PCDHAC2: variants seen among roughly 807,000 people sequenced by gnomAD.
PCDHAC2 encodes the protein protocadherin alpha-C2.
A neutral mutation model predicts 63.3 loss-of-function variants in PCDHAC2; 24 were observed. That is an observed-to-expected ratio of 0.38 (90% CI 0.27 to 0.53). PCDHAC2 has a LOEUF of 0.53. Ranked by LOEUF, PCDHAC2 falls within the 20% of genes least tolerant of loss-of-function variation. The pLI, the probability that PCDHAC2 is intolerant of heterozygous loss-of-function variation, is 0.81. For missense variants in PCDHAC2, 1,181 were observed against 1,275.2 expected (o/e 0.93, Z 1.12); for synonymous variants, 569 against 529.4 (o/e 1.07, Z -1.03).
intron 3 of PCDHAC2, among the ~76,000 whole-genome samples, chr5:141,001,895 G>T (rs1390745542): frequency 3.9e-5 from 6 of 152,208 alleles, no homozygotes; most frequent in Non-Finnish European, 8.8e-5. Context: ...AGAAATCGGG[G>T]CTGTTTGAAA....
At chr5:140,974,879 A>G (rs1259634156) in intron 1 of PCDHAC2, among the ~76,000 whole-genome samples, 1 of 152,212 alleles carries the variant, frequency 6.6e-6, no homozygotes, top group Non-Finnish European at 1.5e-5. Flanking sequence ...CAGTCTATGT[A>G]TCCCTTTTCT....
rs139860906 is a variant in PCDHAC2, at chr5:140,989,355, C to T, written c.2713+6792C>T. On this transcript the variant is annotated intron_variant, in intron 3 of 3. Transcript: ENST00000289269. Reference sequence around the variant, plus strand: ...CTGACTCAGCTCAAAGGTGATAGGTCACCTGTGTGACTGAGAGCTTTGTGG... The same window carrying T: ...CTGACTCAGCTCAAAGGTGATAGGTTACCTGTGTGACTGAGAGCTTTGTGG... Among the ~76,000 whole-genome samples the T allele has an allele frequency of 1.6e-4, 25 of 152,258 alleles. No individual in the cohort carries two copies. In the East Asian group the frequency reaches 4.4e-3, roughly 27 times the overall value.
Position 141,009,659 on chromosome 5 carries a change from G to A in PCDHAC2, c.2746G>A (p.Gly916Ser), listed in dbSNP as rs781996586. 3.0e-5 allele frequency: 48 copies of A among 1,613,808 alleles called. No individual in the cohort carries two copies. Among genetic ancestry groups the A allele is most frequent in the East Asian group, 4.5e-5 (2 of 44,878 alleles). The change falls in exon 4 of 4, where the codon GGT becomes AGT. Residue 916 changes from glycine (G) to serine (S), a missense_variant. Coordinates refer to ENST00000289269, the MANE Select transcript of PCDHAC2 (RefSeq NM_018899.6). ...GGCAGGAGAAGTGTCCCCTCCAGTC[G>A]GTGCGGGTGTCAACAGCAACAGCTG... is the stretch of plus-strand genomic sequence containing the variant. ...PEAGEVSPPV[G>S]AGVNSNSWTF...
chr5:140,966,588 G>A lies in PCDHAC2; in HGVS notation c.-179G>A. On this transcript the variant is annotated 5_prime_UTR_variant, in exon 1 of 4. It introduces an in-frame stop codon into an upstream open reading frame of the 5' UTR. Transcript: ENST00000289269. ...ATATGGGGAGTCAGCGAGGACGGTG[G>A]GGCCAGGAGCCCTTGGGAGGGCCTA... 3.6e-6 allele frequency: 2 copies of A among 558,362 alleles called. No homozygotes were observed. Among genetic ancestry groups the A allele is most frequent in the Non-Finnish European group, 5.7e-6 (2 of 350,438 alleles). The allele number at this position is 558,362 out of a possible 1,614,324, so 34.6% of individuals were successfully genotyped here.
At chr5:140,997,302 G>A (rs1430183310) in intron 3 of PCDHAC2, among the ~76,000 whole-genome samples, 2 of 152,154 alleles carry the variant, frequency 1.3e-5, no homozygotes, top group Non-Finnish European at 2.9e-5. Flanking sequence ...GATACACTGA[G>A]AAATGTGTCT....
intron 3 of PCDHAC2, among the ~76,000 whole-genome samples, chr5:140,993,099 C>T (rs1253807421): frequency 6.6e-6 from 1 of 152,206 alleles, no homozygotes; most frequent in Non-Finnish European, 1.5e-5. Context: ...TATGTTTATT[C>T]AGCGGTCAGT....
At chr5:140,991,505 G>T (rs2097456335) in intron 3 of PCDHAC2, among the ~76,000 whole-genome samples, 1 of 152,180 alleles carries the variant, frequency 6.6e-6, no homozygotes, top group Admixed American at 6.5e-5. Context: ...AGTTTCACTG[G>T]CTAAAATCAA....
rs782595245 is a variant in PCDHAC2 at position 140,969,260 on chromosome 5, C to T, written c.2494C>T (p.Leu832Phe). ...AQAAVTDSRN[L>F]TGQSGQNAGN... ...AGCAGCAGTGACTGACAGCAGGAAT[C>T]TCACAGGCCAAAGTGGTCAGAATGC... is the stretch of plus-strand genomic sequence containing the variant. Residue 832 changes from leucine (L) to phenylalanine (F), a missense_variant, in exon 1 of 4, where the codon CTC becomes TTC. This residue lies in a region of PCDHAC2 where 968 missense variants were observed against 1,073.5 expected (regional missense o/e 0.90). Transcript: ENST00000289269. 6.8e-6 allele frequency: 11 copies of T among 1,614,110 alleles called. No individual in the cohort carries two copies. Among genetic ancestry groups the T allele is most frequent in the Non-Finnish European group, 6.8e-6 (8 of 1,180,062 alleles).
In PCDHAC2 at chr5:140,968,494, C is replaced by G. The variant is rs782064203; in HGVS notation, c.1728C>G (p.Ala576=). The change falls in exon 1 of 4, where the codon GCC becomes GCG. Residue 576 remains alanine (A), a synonymous_variant. Coordinates refer to ENST00000289269, the MANE Select transcript of PCDHAC2 (RefSeq NM_018899.6). ...ATGTGGTGGACATGAATGACCATGC[C>G]CCTCACATTCTGTACCCTACCTCAA... ...NVYVVDMNDH[A]PHILYPTSTN... The G allele has an allele frequency of 1.2e-6, 2 of 1,614,096 alleles. No individual in the cohort carries two copies. The highest frequency in any genetic ancestry group is 2.2e-5 in the South Asian group (2 of 91,082).
At position 140,969,096 on chromosome 5, in the gene PCDHAC2, A is replaced by T; in HGVS notation, c.2330A>T (p.His777Leu). ...CCGCATGGCCTCAAAGTGCAGCCTC[A>T]CTTCATTGAAGTTCGAGGGAATGGC... is the stretch of plus-strand genomic sequence containing the variant. ...RIPHGLKVQP[H>L]FIEVRGNGSL... Residue 777 changes from histidine to leucine, a missense_variant, in exon 1 of 4, where the codon CAC (histidine) becomes CTC (leucine). His to Leu is a moderately conservative substitution (Grantham distance 99). Around this residue, in one of 3 missense-constraint regions of PCDHAC2, gnomAD observed 968 missense variants for 1,073.5 expected, o/e 0.90. Transcript: ENST00000289269. The T allele has an allele frequency of 6.2e-7, 1 of 1,614,162 alleles. No homozygotes were observed. The highest frequency in any genetic ancestry group is 8.5e-7 in the Non-Finnish European group (1 of 1,180,030).
At chr5:140,978,740 A>G (rs2096821027) in intron 1 of PCDHAC2, among the ~76,000 whole-genome samples, 1 of 152,254 alleles carries the variant, frequency 6.6e-6, no homozygotes, top group Non-Finnish European at 1.5e-5. Flanking sequence ...CTTCCAGGGT[A>G]TCTAATCTGT....
At chr5:140,976,578 A>C (rs997881753) in intron 1 of PCDHAC2, among the ~76,000 whole-genome samples, 1 of 152,204 alleles carries the variant, frequency 6.6e-6, no homozygotes, top group Admixed American at 6.5e-5. Context: ...TATAAATAAA[A>C]CACAGACTTT....
intron 3 of PCDHAC2, among the ~76,000 whole-genome samples, chr5:140,989,404 A>G (rs2097341135): frequency 6.6e-6 from 1 of 152,134 alleles, no homozygotes; most frequent in Non-Finnish European, 1.5e-5. Flanking sequence ...GAGGGTGGAG[A>G]GTCTGCACTT....
intron 3 of PCDHAC2, among the ~76,000 whole-genome samples, chr5:140,985,532 G>C (rs1358120172): frequency 6.6e-6 from 1 of 152,072 alleles, no homozygotes; most frequent in African/African-American, 2.4e-5. Flanking sequence ...AAAGCTTCAC[G>C]GTGAAGATGC....
At chr5:140,993,462 T>TCACACACA (rs3836747) in intron 3 of PCDHAC2, among the ~76,000 whole-genome samples, 2,160 of 141,010 alleles carry the variant, frequency 0.015, 29 homozygotes, top group Admixed American at 0.024. Flanking sequence ...TCTTTCTTTC[T>TCACACACA]CACACACACA....
chr5:140,985,128 G>C (rs908196925), intron 3 of PCDHAC2, among the ~76,000 whole-genome samples: 1 of 152,056 alleles, frequency 6.6e-6, no homozygotes, highest in African/African-American at 2.4e-5. Context: ...TAGTAAAGAC[G>C]GGGTTTCACC....
chr5:141,009,501 C>T (rs2098410009), intron 3 of PCDHAC2, 126 bp from the exon 4 acceptor site: 4 of 1,492,480 alleles, frequency 2.7e-6, no homozygotes, highest in Non-Finnish European at 3.6e-6. Context: ...CAGACTTGAA[C>T]AAACAACTCG....
At chr5:140,996,308 A>G (rs997099218) in intron 3 of PCDHAC2, among the ~76,000 whole-genome samples, 4 of 152,240 alleles carry the variant, frequency 2.6e-5, no homozygotes, top group African/African-American at 9.6e-5. Flanking sequence ...GTAACAAAGT[A>G]AGGGGGGAGG....
chr5:141,008,579 T>C (rs1554261820), intron 3 of PCDHAC2, among the ~76,000 whole-genome samples: 1 of 152,232 alleles, frequency 6.6e-6, no homozygotes, highest in African/African-American at 2.4e-5. Flanking sequence ...TTCCCAAGAC[T>C]CAGGGCAGAT....
Sources: gnomAD v4.1 joint callset for allele counts (sites outside exome capture counted in the v4.1 genomes callset) on GRCh38, gnomAD v4.1.1 for gene constraint, gnomAD v4.1.1 regional missense constraint, MANE v1.5 for transcripts, NCBI Gene and HGNC (gene_info 2026-07-23, HGNC 2026-07-21) for gene names.